NTHL1: variants seen among roughly 807,000 people sequenced by gnomAD.
The protein encoded by NTHL1 is nth like DNA glycosylase 1.
In NTHL1, 32 loss-of-function variants were observed where a neutral mutation model predicts 32.3. The ratio of observed to expected loss-of-function variants is 0.99; its 90% CI spans 0.75 to 1.33. The LOEUF (loss-of-function observed/expected upper bound fraction) is 1.33, where lower values mean the gene tolerates loss of function less well. NTHL1 is among the 40% of genes most tolerant of loss of function. The pLI is 0.00. For missense variants in NTHL1, 501 were observed against 414.1 expected (o/e 1.21, Z -1.82); for synonymous variants, 188 against 176.9 (o/e 1.06, Z -0.50).
In NTHL1 at chr16:2,044,804, C is replaced by T. The variant is rs1245963500; in HGVS notation, c.355-4G>A. 6.3e-7 allele frequency: 1 copy of T among 1,598,638 alleles called. No individual in the cohort carries two copies. On this transcript the variant is annotated splice_polypyrimidine_tract_variant and splice_region_variant and intron_variant, in intron 2 of 5. Coordinates refer to ENST00000651570, the MANE Select transcript of NTHL1 (RefSeq NM_002528.7). This position sits in a 1 kb window ranked among gnomAD's most constrained non-coding sequence, Gnocchi z 5.0. ...GCAGCACCTGGTACCTGCGTACCTG[C>T]TTGTGCAGTGACAGGGACCGGGGTG... is the stretch of plus-strand genomic sequence containing the variant.
rs779992803 is a variant in NTHL1 at position 2,040,161 on chromosome 16, G to C, written c.763C>G (p.Arg255Gly). Residue 255 changes from arginine (R) to glycine (G), a missense_variant, in exon 5 of 6, where the codon CGC becomes GGC. By Grantham distance (125) the Arg-to-Gly change is moderately radical (BLOSUM62 -2). Coordinates refer to ENST00000651570, the MANE Select transcript of NTHL1 (RefSeq NM_002528.7). Reference protein sequence around the residue: ...KKATKSPEETRAALEEWLPRE... With the variant: ...KKATKSPEETGAALEEWLPRE... ...GGCAGCCACTCCTCCAGGGCGGCGC[G>C]GGTCTCCTCTGGGGACTTGGTTGCC... is the stretch of plus-strand genomic sequence containing the variant. The C allele has an allele frequency of 3.1e-6, 5 of 1,613,948 alleles. No homozygotes were observed. The highest frequency in any genetic ancestry group is 3.4e-6 in the Non-Finnish European group (4 of 1,180,030).
Position 2,046,818 on chromosome 16 carries a change from A to G in NTHL1, c.116-452T>C, listed in dbSNP as rs1417519332. ...AAAACCCCATCTCTACTAAAAATAC[A>G]AAAGTTAGCCGGGTGTGGTGGCAGG... On this transcript the variant is annotated intron_variant, in intron 1 of 5. Transcript: ENST00000651570. 2.5e-5 allele frequency: 4 copies of G among 158,922 alleles called. No homozygotes were observed. In the East Asian group the frequency reaches 7.2e-4, roughly 29 times the overall value. The allele number at this position is 158,922 out of a possible 1,614,324, so 9.8% of individuals were successfully genotyped here.
Position 2,040,075 on chromosome 16 carries a change from T to C in NTHL1, c.792-28A>G, listed in dbSNP as rs753076734. 17 of 1,612,576 alleles carry C rather than the reference T, an allele frequency of 1.1e-5. No individual in the cohort carries two copies. In the African/African-American group the frequency reaches 1.6e-4, roughly 15 times the overall value. ...GTGGGGGTGGGGGCTGGGTCAGTGC[T>C]GACAGAGGGCGGGCGGGGTGAGCTC... is the stretch of plus-strand genomic sequence containing the variant. On this transcript the variant is annotated intron_variant, in intron 5 of 5. Coordinates refer to ENST00000651570, the MANE Select transcript of NTHL1 (RefSeq NM_002528.7).
rs545795443 is a variant in NTHL1 at position 2,044,530 on chromosome 16, C to G, written c.525+100G>C. ...AGGGGGACCCCCCGAGCCTGAGATG[C>G]TTGACCCTCACTTCCTGCACCGTCG... is the stretch of plus-strand genomic sequence containing the variant. On this transcript the variant is annotated intron_variant, in intron 3 of 5. Transcript: ENST00000651570. The surrounding 1 kb of genome is among the most constrained non-coding windows in gnomAD (Gnocchi z 5.0). The G allele has an allele frequency of 7.3e-6, 11 of 1,514,324 alleles. No homozygotes were observed. Among genetic ancestry groups the G allele is most frequent in the Non-Finnish European group, 9.0e-6 (10 of 1,107,530 alleles). The allele number at this position is 1,514,324 out of a possible 1,614,324, so 93.8% of individuals were successfully genotyped here.
At chr16:2,045,913 A>C (rs2084346914) in intron 2 of NTHL1, among the ~76,000 whole-genome samples, 1 of 152,180 alleles carries the variant, frequency 6.6e-6, no homozygotes, top group Non-Finnish European at 1.5e-5. Flanking sequence ...TCACGCCTGC[A>C]CTGGGCAGAA....
intron 1 of NTHL1, 116 bp from the exon 2 acceptor site, chr16:2,046,482 T>A: frequency 1.1e-6 from 1 of 946,610 alleles, no homozygotes; most frequent in East Asian, 2.5e-5. Flanking sequence ...GTCCATCATC[T>A]AATACACTTG....
rs374084526 is a variant in NTHL1, at chr16:2,042,436, G to A, written c.685+1131C>T. On this transcript the variant is annotated intron_variant, in intron 4 of 5. Transcript: ENST00000651570. Reference sequence around the variant, plus strand: ...CTGTGGCTGTTCAGCCTCACCAGGTGGCCCCGGCTCAGAATAGAGGCCCCC... The same window carrying A: ...CTGTGGCTGTTCAGCCTCACCAGGTAGCCCCGGCTCAGAATAGAGGCCCCC... 2.1e-4 allele frequency among the ~76,000 whole-genome samples: 32 copies of A among 152,282 alleles called. 1 individual carries two copies. The South Asian group carries it at 6.4e-3, about 31-fold the overall frequency.
In NTHL1 at chr16:2,044,708, C is replaced by G; in HGVS notation, c.447G>C (p.Arg149=). 1 of 1,612,518 alleles carries G rather than the reference C, an allele frequency of 6.2e-7. No individual in the cohort carries two copies. The highest frequency in any genetic ancestry group is 8.5e-7 in the Non-Finnish European group (1 of 1,179,910). ...GCAGGATGCTGTCCACCGTCAGGCC[C>G]CGCGCCCGCAGTCGCTGCATGGCGC... ...TAGAMQRLRA[R]GLTVDSILQT... Residue 149 remains arginine (R), a synonymous_variant, in exon 3 of 6, where the codon CGG becomes CGC. Transcript: ENST00000651570. The surrounding 1 kb of genome is among the most constrained non-coding windows in gnomAD (Gnocchi z 5.0).
In NTHL1 at chr16:2,044,877, C is replaced by T. The variant is rs1340945384; in HGVS notation, c.355-77G>A. 11 of 1,467,398 alleles carry T rather than the reference C, an allele frequency of 7.5e-6. No homozygotes were observed. Among genetic ancestry groups the T allele is most frequent in the East Asian group, 2.5e-5 (1 of 40,188 alleles). The allele number at this position is 1,467,398 out of a possible 1,614,324, so 90.9% of individuals were successfully genotyped here. A position where few individuals can be genotyped will look rare whatever the true frequency, so the allele number is the denominator to read the frequency against. On this transcript the variant is annotated intron_variant, in intron 2 of 5. Transcript: ENST00000651570. The surrounding 1 kb of genome is among the most constrained non-coding windows in gnomAD (Gnocchi z 5.0). ...CTGGCCAGGCTCCGCCCCCCGCCCT[C>T]GACACACCCTGGTTTGTTGCCCTGG...
intron 5 of NTHL1, 43 bp from the exon 6 acceptor site, chr16:2,040,090 G>A (rs781419578): frequency 2.4e-5 from 38 of 1,612,510 alleles, no homozygotes; most frequent in Middle Eastern, 1.6e-4. Context: ...GAGGGCGGGC[G>A]GGGTGAGCTC....
Position 2,039,831 on chromosome 16 carries a change from C to G in NTHL1, c.*93G>C. 4 of 1,569,114 alleles carry G rather than the reference C, an allele frequency of 2.5e-6. No homozygotes were observed. Among genetic ancestry groups the G allele is most frequent in the Non-Finnish European group, 3.5e-6 (4 of 1,156,984 alleles). ...AGCCAGATCCCATCTGCAAACACAC[C>G]AAAGCTTTATTCAACAGGCGTGGCT... On this transcript the variant is annotated 3_prime_UTR_variant, in exon 6 of 6. Coordinates refer to ENST00000651570, the MANE Select transcript of NTHL1 (RefSeq NM_002528.7).
At position 2,043,632 on chromosome 16, in the gene NTHL1, G is replaced by C. The variant is rs755619109; in HGVS notation, c.620C>G (p.Pro207Arg). 6.2e-7 allele frequency: 1 copy of C among 1,611,188 alleles called. No homozygotes were observed. Among genetic ancestry groups the C allele is most frequent in the Non-Finnish European group, 8.5e-7 (1 of 1,179,960 alleles). Residue 207 changes from proline (P) to arginine (R), a missense_variant, in exon 4 of 6, where the codon CCG becomes CGG. Pro to Arg is a moderately radical substitution (Grantham distance 103). Coordinates refer to ENST00000651570, the MANE Select transcript of NTHL1 (RefSeq NM_002528.7). This position sits in a 1 kb window ranked among gnomAD's most constrained non-coding sequence, Gnocchi z 4.4. ...GTGTGCCATCTTGGGCCCAACACCC[G>C]GCAGCGCCACCAGCTCGGCCACAGA... ...PASVAELVAL[P>R]GVGPKMAHLA...
rs2084363006 is a variant in NTHL1 at position 2,046,142 on chromosome 16, T to C, written c.340A>G (p.Ser114Gly). The stretch of plus-strand genomic sequence containing the variant: ...CCCCTGCCTACCTTTGGGGGGGCAC[T>C]GGAGTCATAGCAGTGCTCAGTCCCC... ...HLGTEHCYDS[S>G]APPKVRRYQV... Residue 114 changes from serine (S) to glycine (G), a missense_variant, in exon 2 of 6, where the codon AGT (serine) becomes GGT (glycine). Coordinates refer to ENST00000651570, the MANE Select transcript of NTHL1 (RefSeq NM_002528.7). 1 of 1,612,814 alleles carries C rather than the reference T, an allele frequency of 6.2e-7. No individual in the cohort carries two copies. Among genetic ancestry groups the C allele is most frequent in the Non-Finnish European group, 8.5e-7 (1 of 1,179,824 alleles).
chr16:2,046,305 G>A lies in NTHL1; in HGVS notation c.177C>T (p.Ala59=), dbSNP rs1247133735. Residue 59 remains alanine, a synonymous_variant, in exon 2 of 6, where the codon GCC becomes GCT. Coordinates refer to ENST00000651570, the MANE Select transcript of NTHL1 (RefSeq NM_002528.7). ...RPRKAQRLRV[A]YEGSDSEKGE... The stretch of plus-strand genomic sequence containing the variant: ...CTTTCTCACTGTCCGAGCCCTCATA[G>A]GCCACACGCAGTCTCTGTGCTTTCC... 3 of 1,612,822 alleles carry A rather than the reference G, an allele frequency of 1.9e-6. No homozygotes were observed. Among genetic ancestry groups the A allele is most frequent in the East Asian group, 2.2e-5 (1 of 44,882 alleles).
Position 2,039,931 on chromosome 16 carries a change from C to A in NTHL1, c.908G>T (p.Gly303Val), listed in dbSNP as rs2084235801. ...LNQALCPAAQ[G>V]L Reference sequence around the variant, plus strand: ...GCCAGAGCCATGCGGCCATCAGAGACCCTGGGCGGCCGGGCAGAGGGCTTG... The same window carrying A: ...GCCAGAGCCATGCGGCCATCAGAGAACCTGGGCGGCCGGGCAGAGGGCTTG... The change falls in exon 6 of 6, where the codon GGT (glycine) becomes GTT (valine). Residue 303 changes from glycine to valine, a missense_variant. Transcript: ENST00000651570. The A allele has an allele frequency of 6.2e-7, 1 of 1,602,404 alleles. No homozygotes were observed. The highest frequency in any genetic ancestry group is 8.5e-7 in the Non-Finnish European group (1 of 1,179,846).
In NTHL1 at chr16:2,047,717, G is replaced by A; in HGVS notation, c.107C>T (p.Ala36Val). 1 of 1,581,858 alleles carries A rather than the reference G, an allele frequency of 6.3e-7. No individual in the cohort carries two copies. Among genetic ancestry groups the A allele is most frequent in the Non-Finnish European group, 8.5e-7 (1 of 1,170,950 alleles). ...EEPGPLRRRE[A>V]AAEARKSHSP... ...CCACGGCGCGGCGCTACCTGCTGCA[G>A]CCTCTCTTCTCCGGAGAGGCCCGGG... is the stretch of plus-strand genomic sequence containing the variant. The change falls in exon 1 of 6, where the codon GCT (alanine) becomes GTT (valine). Residue 36 changes from alanine to valine, a missense_variant. Ala to Val is a moderately conservative substitution (Grantham distance 64, BLOSUM62 0). Coordinates refer to ENST00000651570, the MANE Select transcript of NTHL1 (RefSeq NM_002528.7).
In NTHL1 at chr16:2,047,737, C is replaced by T. The variant is rs775360403; in HGVS notation, c.87G>A (p.Gly29=). The part of the protein sequence containing the change: ...AGPRGCREEP[G]PLRRREAAAE... ...CTGCAGCCTCTCTTCTCCGGAGAGG[C>T]CCGGGCTCCTCCCTACACCCCCGCG... Residue 29 remains glycine (G), a synonymous_variant, in exon 1 of 6, where the codon GGG becomes GGA. Transcript: ENST00000651570. 6 of 1,584,982 alleles carry T rather than the reference C, an allele frequency of 3.8e-6. No individual in the cohort carries two copies. Among genetic ancestry groups the T allele is most frequent in the Non-Finnish European group, 5.1e-6 (6 of 1,171,964 alleles).
chr16:2,044,641 C>A lies in NTHL1; in HGVS notation c.514G>T (p.Gly172Cys), dbSNP rs1567369944. The A allele has an allele frequency of 6.2e-7, 1 of 1,605,438 alleles. No homozygotes were observed. The highest frequency in any genetic ancestry group is 8.5e-7 in the Non-Finnish European group (1 of 1,179,914). Residue 172 changes from glycine to cysteine, a missense_variant, in exon 3 of 6, where the codon GGT becomes TGT. Gly to Cys is a radical substitution (Grantham distance 159, BLOSUM62 -3). Transcript: ENST00000651570. The surrounding 1 kb of genome is among the most constrained non-coding windows in gnomAD (Gnocchi z 5.0). ...CAGGCAGGGCTCACCCTCCAGAAAC[C>A]GACGGGGTAGATGAGCTTGCCCAGC... ...ATLGKLIYPV[G>C]FWRSKVKYIK...
intron 4 of NTHL1, 97 bp from the exon 5 acceptor site, chr16:2,040,335 C>T (rs1388050671): frequency 2.7e-6 from 3 of 1,131,278 alleles, no homozygotes; most frequent in Non-Finnish European, 4.0e-6. Context: ...ACCCCCGTGG[C>T]CCTCCAGTTA....
Sources: allele counts gnomAD v4.1 joint callset (sites outside exome capture counted in the v4.1 genomes callset), GRCh38; gene constraint gnomAD v4.1.1; non-coding constraint Gnocchi (gnomAD v3.1); transcripts MANE v1.5; gene names NCBI Gene and HGNC (gene_info 2026-07-23, HGNC 2026-07-21).